Variants in CACTIN observed in about 807,000 individuals in gnomAD.
CACTIN encodes the protein splicing factor Cactin.
In CACTIN, 20 loss-of-function variants were observed where a neutral mutation model predicts 84.9. That is an observed-to-expected ratio of 0.24 (90% CI 0.17 to 0.34). The LOEUF (loss-of-function observed/expected upper bound fraction) is 0.34, where lower values mean the gene tolerates loss of function less well. Among genes scored for constraint, CACTIN ranks in the 10% least tolerant of loss-of-function variants. The pLI is 1.00. For missense variants in CACTIN, 897 were observed against 1,117.2 expected (o/e 0.80, Z 2.81); for synonymous variants, 549 against 467.9 (o/e 1.17, Z -2.24).
intron 9 of CACTIN, chr19:3,612,639 G>A (rs1331836783): frequency 2.8e-6 from 2 of 721,748 alleles, no homozygotes; most frequent in African/African-American, 1.8e-5. Context: ...CTCCTGGGTG[G>A]GGACCAAGCG....
At chr19:3,612,527 T>G (rs977053524) in intron 9 of CACTIN, 114 bp from the exon 10 acceptor site, 13 of 1,413,396 alleles carry the variant, frequency 9.2e-6, no homozygotes, top group Non-Finnish European at 1.2e-5. Context: ...GAAAACAGGC[T>G]GGGGCGAGCT....
rs770905019 is a variant in CACTIN at position 3,611,719 on chromosome 19, C to T, written c.*204G>A. ...CCTAGGCCAGCCTGTCCCAGTGTCT[C>T]CTCAGCTCACCATGGCAGGCTCAAT... is the stretch of plus-strand genomic sequence containing the variant. On this transcript the variant is annotated 3_prime_UTR_variant, in exon 10 of 10. Transcript: ENST00000429344. 4 of 699,598 alleles carry T rather than the reference C, an allele frequency of 5.7e-6. No homozygotes were observed. The highest frequency in any genetic ancestry group is 7.4e-6 in the Non-Finnish European group (3 of 404,510). The allele number at this position is 699,598 out of a possible 1,614,324, so 43.3% of individuals were successfully genotyped here.
chr19:3,613,964 A>G, intron 7 of CACTIN: 1 of 404,562 alleles, frequency 2.5e-6, no homozygotes, highest in Non-Finnish European at 4.5e-6. Flanking sequence ...CAGCGGTGCC[A>G]AAAACACTCC....
At chr19:3,618,711 C>T (rs2033159406) in intron 6 of CACTIN, among the ~76,000 whole-genome samples, 164 bp downstream of exon 6, 1 of 152,252 alleles carries the variant, frequency 6.6e-6, no homozygotes, top group South Asian at 2.1e-4. Context: ...CCAGGGCCTA[C>T]TGCCCGCTGC....
At chr19:3,619,980 C>A in intron 4 of CACTIN, 147 bp downstream of exon 4, 1 of 954,116 alleles carries the variant, frequency 1.0e-6, no homozygotes, top group Non-Finnish European at 1.5e-6. Context: ...GAAGCCTTGC[C>A]GCCCGGGAAG....
Position 3,618,908 on chromosome 19 carries a change from G to T in CACTIN, c.1129C>A (p.Leu377Ile), listed in dbSNP as rs1447476312. ...TTITEDEISKLRKLEASGKGP... is the reference protein window; with the variant it reads ...TTITEDEISKIRKLEASGKGP... Reference sequence around the variant, plus strand: ...TTGCCCGAGGCCTCCAGCTTGCGGAGCTTGGAGATCTCGTCCTCGGTGATG... The same window carrying T: ...TTGCCCGAGGCCTCCAGCTTGCGGATCTTGGAGATCTCGTCCTCGGTGATG... Residue 377 changes from leucine (L) to isoleucine (I), a missense_variant, in exon 6 of 10, where the codon CTC (leucine) becomes ATC (isoleucine). By Grantham distance (5) the Leu-to-Ile change is conservative (BLOSUM62 2). Transcript: ENST00000429344. The T allele has an allele frequency of 6.4e-7, 1 of 1,556,340 alleles. No homozygotes were observed. The highest frequency in any genetic ancestry group is 8.7e-7 in the Non-Finnish European group (1 of 1,149,796).
intron 7 of CACTIN, chr19:3,614,045 T>G (rs1214783123): frequency 2.1e-6 from 1 of 482,892 alleles, no homozygotes; most frequent in Non-Finnish European, 3.8e-6. Context: ...CGCAAGGCAG[T>G]GGGGACAGGC....
chr19:3,614,114 A>G (rs1235160977), intron 7 of CACTIN, among the ~76,000 whole-genome samples: 1 of 152,146 alleles, frequency 6.6e-6, no homozygotes, highest in African/African-American at 2.4e-5. Context: ...GGTACTCGTT[A>G]AAGGGCGGAA....
chr19:3,622,281 T>C (rs559380281), intron 2 of CACTIN, among the ~76,000 whole-genome samples: 1 of 150,670 alleles, frequency 6.6e-6, no homozygotes, highest in East Asian at 1.9e-4. Flanking sequence ...GGGGAATCAC[T>C]TGAACCCAGG....
intron 6 of CACTIN, chr19:3,616,761 G>A (rs2033114650): frequency 6.6e-6 from 1 of 152,300 alleles, no homozygotes; most frequent in African/African-American, 2.4e-5. Context: ...GGTGAGGCAG[G>A]AGGATTGCTT....
At position 3,617,569 on chromosome 19, in the gene CACTIN, G is replaced by T. The variant is rs146452679; in HGVS notation, c.1162+1306C>A. On this transcript the variant is annotated intron_variant, in intron 6 of 9. Coordinates refer to ENST00000429344, the MANE Select transcript of CACTIN (RefSeq NM_001080543.2). ...TAGGGCAGTGGGGCACGCTGGAAAC[G>T]CCTCCCAGGCTTATAGGAGAGGCCG... Among the ~76,000 whole-genome samples the T allele has an allele frequency of 7.2e-5, 11 of 152,252 alleles. No homozygotes were observed. In the South Asian group the frequency reaches 2.3e-3, roughly 32 times the overall value.
At chr19:3,612,719 G>GC (rs1359963950) in intron 9 of CACTIN, 1 of 696,484 alleles carries the variant, frequency 1.4e-6, no homozygotes, top group Non-Finnish European at 2.6e-6. Context: ...CCAGCCCCAC[G>GC]CATGACCCCC....
At chr19:3,612,657 C>G in intron 9 of CACTIN, 1 of 721,038 alleles carries the variant, frequency 1.4e-6, no homozygotes, top group East Asian at 2.7e-5. Context: ...GCGCAGCGCG[C>G]TTCCCCGCCG....
chr19:3,621,529 C>T (rs1051374425), intron 2 of CACTIN, among the ~76,000 whole-genome samples: 1 of 152,232 alleles, frequency 6.6e-6, no homozygotes, highest in South Asian at 2.1e-4. Context: ...CACCCCCAGA[C>T]ACCCGGGCCA....
chr19:3,612,618 T>C (rs1460630964), intron 9 of CACTIN, among the ~76,000 whole-genome samples: 1 of 152,180 alleles, frequency 6.6e-6, no homozygotes, highest in East Asian at 1.9e-4. Context: ...TTGGTCTTCA[T>C]GTCTATCGTC....
chr19:3,612,591 G>A (rs962359147), intron 9 of CACTIN, among the ~76,000 whole-genome samples, 178 bp from the exon 10 acceptor site: 24 of 152,170 alleles, frequency 1.6e-4, no homozygotes, highest in Non-Finnish European at 2.6e-4. Flanking sequence ...CACACCATCC[G>A]CCCCGAGCCC....
Position 3,611,752 on chromosome 19 carries a change from C to G in CACTIN, c.*171G>C. ...CACCATGGCAGGCTCAATGGTGACC[C>G]CCCTTTTATATAGGAGGAAACTGAG... On this transcript the variant is annotated 3_prime_UTR_variant, in exon 10 of 10. Coordinates refer to ENST00000429344, the MANE Select transcript of CACTIN (RefSeq NM_001080543.2). 1.2e-6 allele frequency: 1 copy of G among 861,308 alleles called. No individual in the cohort carries two copies. The highest frequency in any genetic ancestry group is 1.5e-5 in the South Asian group (1 of 68,744). The allele number at this position is 861,308 out of a possible 1,614,324, so 53.4% of individuals were successfully genotyped here.
chr19:3,611,914 C>T lies in CACTIN; in HGVS notation c.*9G>A, dbSNP rs1478155606. On this transcript the variant is annotated 3_prime_UTR_variant, in exon 10 of 10. Transcript: ENST00000429344. Reference sequence around the variant, plus strand: ...CCCGAGGACACCTGCCTGCCGTTCCCCAGGGCCGTCACCGCCGATAGCGGT... The same window carrying T: ...CCCGAGGACACCTGCCTGCCGTTCCTCAGGGCCGTCACCGCCGATAGCGGT... 4 of 1,612,162 alleles carry T rather than the reference C, an allele frequency of 2.5e-6. No individual in the cohort carries two copies. Among genetic ancestry groups the T allele is most frequent in the Non-Finnish European group, 3.4e-6 (4 of 1,179,588 alleles).
chr19:3,623,615 G>T (rs1320044120), intron 2 of CACTIN, 73 bp downstream of exon 2: 2 of 1,332,126 alleles, frequency 1.5e-6, no homozygotes, highest in Admixed American at 2.1e-5. Flanking sequence ...GGCTGGGAGT[G>T]TCTCAAGTGT....
Sources: gnomAD v4.1 joint callset for allele counts (sites outside exome capture counted in the v4.1 genomes callset) on GRCh38, gnomAD v4.1.1 for gene constraint, MANE v1.5 for transcripts, NCBI Gene and HGNC (gene_info 2026-07-23, HGNC 2026-07-21) for gene names.